Variants in SLC1A2 observed in about 807,000 individuals in gnomAD.
SLC1A2 encodes excitatory amino acid transporter 2.
SLC1A2 carries 15 observed loss-of-function variants against 48.8 expected under a neutral mutation model. That is an observed-to-expected ratio of 0.31 (90% CI 0.21 to 0.47). The LOEUF (loss-of-function observed/expected upper bound fraction) is 0.47, where lower values mean the gene tolerates loss of function less well. Ranked by LOEUF, SLC1A2 falls within the 20% of genes least tolerant of loss-of-function variation. SLC1A2 has a pLI of 0.99. For synonymous variants in SLC1A2, 279 were observed against 272.6 expected, an observed-to-expected ratio of 1.02 and a Z score of -0.23; for missense variants, 502 against 730.5, an observed-to-expected ratio of 0.69 and a Z score of 3.61.
chr11:35,342,686 C>T (rs552907019), intron 1 of SLC1A2, among the ~76,000 whole-genome samples: 20 of 151,844 alleles, frequency 1.3e-4, no homozygotes, highest in East Asian at 7.7e-4. Flanking sequence ...TTTGGGAAGC[C>T]GAGGTGGAAG....
intron 1 of SLC1A2, among the ~76,000 whole-genome samples, chr11:35,318,718 T>C (rs1468077341): frequency 1.3e-5 from 2 of 152,148 alleles, no homozygotes; most frequent in Non-Finnish European, 2.9e-5. Flanking sequence ...TGATGCCTAC[T>C]TCATAAAAAT....
intron 1 of SLC1A2, among the ~76,000 whole-genome samples, chr11:35,365,280 C>T (rs1853804372): frequency 6.6e-6 from 1 of 152,152 alleles, no homozygotes; most frequent in East Asian, 1.9e-4. Context: ...CCTCTAAGTG[C>T]CTCCAAAGCC....
Position 35,286,825 on chromosome 11 carries a change from C to T in SLC1A2, c.1218G>A (p.Ala406=), listed in dbSNP as rs34076319. The T allele has an allele frequency of 1.1e-4, 181 of 1,613,888 alleles. No homozygotes were observed. The African/African-American group carries it at 1.5e-3, about 13-fold the overall frequency. Residue 406 remains alanine, a synonymous_variant, in exon 8 of 11, where the codon GCG becomes GCA. Transcript: ENST00000278379. ...TTTGGGCTATAAAGATGGCGGCTAC[C>T]GCTTCATAAAGGGCTGTACCATCCA... ...INMDGTALYE[A]VAAIFIAQMN...
intron 1 of SLC1A2, among the ~76,000 whole-genome samples, chr11:35,385,427 C>T (rs1417712735): frequency 6.6e-6 from 1 of 152,240 alleles, no homozygotes; most frequent in African/African-American, 2.4e-5. Context: ...CAAGGTCACA[C>T]AGCTAGTCTG....
rs537547746 is a variant in SLC1A2, at chr11:35,384,080, G to A, written c.17+34870C>T. The stretch of plus-strand genomic sequence containing the variant: ...CCTCTGTTCCAGCCAGGACTTTTTT[G>A]GTTGCTTGAAAGAGAAATACGTTCA... On this transcript the variant is annotated intron_variant, in intron 1 of 10. Coordinates refer to ENST00000278379, the MANE Select transcript of SLC1A2 (RefSeq NM_004171.4). Among the ~76,000 whole-genome samples, 24 of 152,228 alleles carry A rather than the reference G, an allele frequency of 1.6e-4. No homozygotes were observed. The South Asian group carries it at 4.4e-3, about 28-fold the overall frequency.
At chr11:35,313,625 T>C (rs1851777026) in intron 3 of SLC1A2, among the ~76,000 whole-genome samples, 1 of 152,186 alleles carries the variant, frequency 6.6e-6, no homozygotes, top group Non-Finnish European at 1.5e-5. Flanking sequence ...TACTTCTCTT[T>C]ACAACCTAGT....
intron 1 of SLC1A2, among the ~76,000 whole-genome samples, chr11:35,328,815 G>A (rs1591479293): frequency 6.6e-6 from 1 of 152,252 alleles, no homozygotes; most frequent in East Asian, 1.9e-4. Context: ...TAGAATTTCT[G>A]GACTAGAGAG....
chr11:35,409,921 A>T (rs1202660235), intron 1 of SLC1A2, among the ~76,000 whole-genome samples: 1 of 152,116 alleles, frequency 6.6e-6, no homozygotes, highest in Non-Finnish European at 1.5e-5. Context: ...AAACAAATAA[A>T]TAAATAAACA....
At position 35,287,113 on chromosome 11, in the gene SLC1A2, G is replaced by A. The variant is rs370270836; in HGVS notation, c.1092-162C>T. On this transcript the variant is annotated intron_variant, in intron 7 of 10. Transcript: ENST00000278379. ...GTATCTGGAGCCAGATTAAAAACTC[G>A]TGAGTTGGAGGCTCAAATTCAATCT... 4.3e-4 allele frequency among the ~76,000 whole-genome samples: 65 copies of A among 152,286 alleles called. No homozygotes were observed. The South Asian group carries it at 9.9e-3, about 23-fold the overall frequency.
intron 1 of SLC1A2, among the ~76,000 whole-genome samples, chr11:35,384,139 T>A (rs374784391): frequency 4.6e-5 from 7 of 152,358 alleles, no homozygotes; most frequent in South Asian, 2.1e-4. Flanking sequence ...AGTATCATAT[T>A]GCTAAGTATA....
intron 1 of SLC1A2, among the ~76,000 whole-genome samples, chr11:35,373,546 G>C (rs1437300911): frequency 6.6e-6 from 1 of 152,152 alleles, no homozygotes; most frequent in Non-Finnish European, 1.5e-5. Flanking sequence ...CAAAGGTTGA[G>C]GTACAAGGTG....
At chr11:35,311,893 G>GGGGAGAGAGAGAGA (rs1851705716) in intron 4 of SLC1A2, among the ~76,000 whole-genome samples, 1 of 69,270 alleles carries the variant, frequency 1.4e-5, no homozygotes, top group African/African-American at 5.8e-5. Flanking sequence ...AGAGAGAGAG[G>GGGGAGAGAGAGAGA]GAGGGAGAGA....
In SLC1A2 at chr11:35,342,630, G is replaced by A. The variant is rs73443022; in HGVS notation, c.18-25114C>T. 5.8e-3 allele frequency among the ~76,000 whole-genome samples: 888 copies of A among 151,824 alleles called. 6 individuals are homozygous for A. The highest frequency in any genetic ancestry group is 0.02 in the African/African-American group (828 of 41,402). On this transcript the variant is annotated intron_variant, in intron 1 of 10. Coordinates refer to ENST00000278379, the MANE Select transcript of SLC1A2 (RefSeq NM_004171.4). Reference sequence around the variant, plus strand: ...ACTTTTGCTGCCTCATGTAAGATTAGAGAACAATGGCTAGGTGTGGTGGCT... The same window carrying A: ...ACTTTTGCTGCCTCATGTAAGATTAAAGAACAATGGCTAGGTGTGGTGGCT...
intron 1 of SLC1A2, among the ~76,000 whole-genome samples, chr11:35,400,671 C>A (rs1702200273): frequency 1.3e-5 from 2 of 152,254 alleles, no homozygotes; most frequent in South Asian, 2.1e-4. Flanking sequence ...AAATCAATCC[C>A]ATGAAAATTT....
intron 9 of SLC1A2, among the ~76,000 whole-genome samples, chr11:35,274,803 C>T (rs899820710): frequency 2.0e-5 from 3 of 152,174 alleles, no homozygotes; most frequent in African/African-American, 4.8e-5. Flanking sequence ...CAAACGAGCC[C>T]ATGTAAAGTG....
At chr11:35,278,279 T>G (rs1000742195) in intron 9 of SLC1A2, among the ~76,000 whole-genome samples, 13 of 148,418 alleles carry the variant, frequency 8.8e-5, no homozygotes, top group East Asian at 2.0e-4. Context: ...TTTTGTTTTT[T>G]TTTTTTTTTT....
intron 1 of SLC1A2, among the ~76,000 whole-genome samples, chr11:35,334,839 G>T (rs1161226459): frequency 7.3e-6 from 1 of 137,230 alleles, no homozygotes. Context: ...GTTTTGTTTT[G>T]TTTTGTTTTG....
At chr11:35,419,805 G>T (rs1184866228), upstream of SLC1A2, 5 of 337,188 alleles carry the variant, frequency 1.5e-5, no homozygotes, top group Admixed American at 3.8e-5. The surrounding 1 kb of genome is among the most constrained non-coding windows in gnomAD (Gnocchi z 5.4). Flanking sequence ...AAGCGCAGGC[G>T]ACCGCGCGGA....
In SLC1A2 at chr11:35,257,901, T is replaced by C. The variant is rs1183620328; in HGVS notation, c.*2993A>G. On this transcript the variant is annotated 3_prime_UTR_variant, in exon 11 of 11. Coordinates refer to ENST00000278379, the MANE Select transcript of SLC1A2 (RefSeq NM_004171.4). ...ATATAAATATAACATTTATGCATTA[T>C]CAAATAGTAACAGACTATTACAAGC... 2 of 152,254 alleles carry C rather than the reference T, an allele frequency of 1.3e-5. No individual in the cohort carries two copies. The highest frequency in any genetic ancestry group is 2.9e-5 in the Non-Finnish European group (2 of 68,042). The allele number at this position is 152,254 out of a possible 1,614,324, so 9.4% of individuals were successfully genotyped here. A position where few individuals can be genotyped will look rare whatever the true frequency, so the allele number is the denominator to read the frequency against.
Sources: allele counts gnomAD v4.1 joint callset (sites outside exome capture counted in the v4.1 genomes callset), GRCh38; gene constraint gnomAD v4.1.1; non-coding constraint Gnocchi (gnomAD v3.1); transcripts MANE v1.5; gene names NCBI Gene and HGNC (gene_info 2026-07-23, HGNC 2026-07-21).